PLA2G4A: variants seen among roughly 807,000 people sequenced by gnomAD.
PLA2G4A encodes cytosolic phospholipase A2.
In PLA2G4A, 40 loss-of-function variants were observed where a neutral mutation model predicts 81.9. The ratio of observed to expected loss-of-function variants is 0.49; its 90% CI spans 0.38 to 0.64. The LOEUF is 0.64. PLA2G4A is among the 30% of genes least tolerant of loss of function. PLA2G4A has a pLI of 0.00. For synonymous variants in PLA2G4A, 302 were observed against 296.9 expected (o/e 1.02, Z -0.18); for missense variants, 715 against 905.1 (o/e 0.79, Z 2.69).
At chr1:186,889,684 AT>A (rs35412398) in intron 3 of PLA2G4A, among the ~76,000 whole-genome samples, 47,641 of 151,914 alleles carry the variant, frequency 0.31, 8,491 homozygotes, top group East Asian at 0.66. Flanking sequence ...ATCTATTTAA[AT>A]TTTTTTGGGG....
intron 7 of PLA2G4A, among the ~76,000 whole-genome samples, chr1:186,916,070 G>A (rs374903338): frequency 6.6e-6 from 1 of 152,130 alleles, no homozygotes; most frequent in East Asian, 1.9e-4. Context: ...CACTCGGCTA[G>A]TTGCAAAAAC....
intron 8 of PLA2G4A, among the ~76,000 whole-genome samples, chr1:186,937,748 C>G (rs1656006149): frequency 6.6e-6 from 1 of 150,846 alleles, no homozygotes; most frequent in African/African-American, 2.4e-5. Context: ...AAATAGCCTA[C>G]TGGGGAGAGG....
intron 7 of PLA2G4A, among the ~76,000 whole-genome samples, chr1:186,912,884 A>C (rs1474950129): frequency 6.7e-6 from 1 of 148,236 alleles, no homozygotes; most frequent in Non-Finnish European, 1.5e-5. Flanking sequence ...CTTACGCATA[A>C]AGGAGTGTTG....
At chr1:186,870,578 G>T in intron 3 of PLA2G4A, 62 bp downstream of exon 3, 1 of 1,258,830 alleles carries the variant, frequency 7.9e-7, no homozygotes, top group East Asian at 2.3e-5. Context: ...TTAATTGCTT[G>T]AGTTCCTTGA....
At chr1:186,857,636 A>G (rs1010219850) in intron 2 of PLA2G4A, among the ~76,000 whole-genome samples, 1 of 150,146 alleles carries the variant, frequency 6.7e-6, no homozygotes, top group African/African-American at 2.4e-5. Flanking sequence ...TTTAAGTTCT[A>G]GGGTACATGT....
chr1:186,919,054 C>A (rs936686207), intron 7 of PLA2G4A, among the ~76,000 whole-genome samples: 2 of 152,186 alleles, frequency 1.3e-5, no homozygotes, highest in Admixed American at 1.3e-4. Context: ...GCCATTTTTT[C>A]TCTTTCTGAC....
At chr1:186,886,433 G>A (rs912666820) in intron 3 of PLA2G4A, among the ~76,000 whole-genome samples, 1 of 152,120 alleles carries the variant, frequency 6.6e-6, no homozygotes, top group South Asian at 2.1e-4. Context: ...CTTAGTACAT[G>A]GGTAGCGAAA....
At chr1:186,918,825 A>G (rs1655240638) in intron 7 of PLA2G4A, among the ~76,000 whole-genome samples, 1 of 152,324 alleles carries the variant, frequency 6.6e-6, no homozygotes, top group Non-Finnish European at 1.5e-5. Context: ...TTGTTAGCCA[A>G]TGATGTCCTT....
At chr1:186,906,528 A>G (rs1445648076) in intron 5 of PLA2G4A, among the ~76,000 whole-genome samples, 2 of 152,182 alleles carry the variant, frequency 1.3e-5, no homozygotes, top group African/African-American at 4.8e-5. Flanking sequence ...TCAATTATAC[A>G]TGTGTGAACT....
At chr1:186,882,084 G>A (rs2049963) in intron 3 of PLA2G4A, among the ~76,000 whole-genome samples, 39,524 of 152,044 alleles carry the variant, frequency 0.26, 7,413 homozygotes, top group East Asian at 0.56. Context: ...AACTTGCTCA[G>A]CTCACTAAAT....
intron 7 of PLA2G4A, among the ~76,000 whole-genome samples, chr1:186,927,471 A>G (rs2383551): frequency 0.25 from 38,720 of 152,052 alleles, 5,427 homozygotes; most frequent in Admixed American, 0.4. Flanking sequence ...AAATGTTACT[A>G]TCCAGTCTCT....
intron 1 of PLA2G4A, among the ~76,000 whole-genome samples, chr1:186,843,116 T>A (rs2102010145): frequency 6.6e-6 from 1 of 152,332 alleles, no homozygotes; most frequent in Admixed American, 6.5e-5. Flanking sequence ...GTGTTGTCAG[T>A]TAAACAAATT....
intron 2 of PLA2G4A, among the ~76,000 whole-genome samples, chr1:186,865,043 G>A (rs1325569576): frequency 6.7e-6 from 1 of 150,182 alleles, no homozygotes; most frequent in Non-Finnish European, 1.5e-5. Flanking sequence ...CTCTAGCCTG[G>A]GTGATAGAAT....
chr1:186,884,014 T>A (rs1207263388), intron 3 of PLA2G4A, among the ~76,000 whole-genome samples: 1 of 152,052 alleles, frequency 6.6e-6, no homozygotes, highest in Non-Finnish European at 1.5e-5. Context: ...TTGTTTATAT[T>A]TATAAGTTGA....
chr1:186,968,822 A>G (rs1224905449), intron 15 of PLA2G4A, among the ~76,000 whole-genome samples: 1 of 151,812 alleles, frequency 6.6e-6, no homozygotes, highest in East Asian at 1.9e-4. Flanking sequence ...TCATCAATTT[A>G]CATTACTATG....
chr1:186,842,448 T>C (rs1278534911), intron 1 of PLA2G4A, among the ~76,000 whole-genome samples: 2 of 152,206 alleles, frequency 1.3e-5, no homozygotes, highest in African/African-American at 2.4e-5. Flanking sequence ...TTTGTTTAAC[T>C]GCTGTGTTTA....
chr1:186,927,469 C>T (rs1019797783), intron 7 of PLA2G4A, among the ~76,000 whole-genome samples: 2 of 152,148 alleles, frequency 1.3e-5, no homozygotes, highest in African/African-American at 4.8e-5. Context: ...TGAAATGTTA[C>T]TATCCAGTCT....
chr1:186,866,352 T>C (rs906708516), intron 2 of PLA2G4A, among the ~76,000 whole-genome samples: 11 of 152,206 alleles, frequency 7.2e-5, no homozygotes, highest in African/African-American at 2.7e-4. Flanking sequence ...TATAAAGAGA[T>C]GGGCACAGAC....
At chr1:186,914,839 C>G (rs1171359375) in intron 7 of PLA2G4A, among the ~76,000 whole-genome samples, 6 of 152,088 alleles carry the variant, frequency 3.9e-5, no homozygotes, top group Non-Finnish European at 8.8e-5. Flanking sequence ...CCCTTATATC[C>G]TCCCCATTTG....
Sources: gnomAD v4.1 joint callset for allele counts (sites outside exome capture counted in the v4.1 genomes callset) on GRCh38, gnomAD v4.1.1 for gene constraint, MANE v1.5 for transcripts, NCBI Gene and HGNC (gene_info 2026-07-23, HGNC 2026-07-21) for gene names.